Variants in HYLS1 observed in about 807,000 individuals in gnomAD.
HYLS1 encodes HYLS1 centriolar and ciliogenesis associated.
A neutral mutation model predicts 29.4 loss-of-function variants in HYLS1; 25 were observed. The ratio of observed to expected loss-of-function variants is 0.85; its 90% CI spans 0.62 to 1.19. The LOEUF is 1.19. Among genes scored for constraint, HYLS1 ranks in the 50% most tolerant of loss-of-function variants. HYLS1 has a pLI of 0.00. For missense variants in HYLS1, 352 were observed against 365.1 expected (o/e 0.96, Z 0.29); for synonymous variants, 128 against 126.7 (o/e 1.01, Z -0.07).
chr11:125,890,031 AG>A (rs1282250753), intron 1 of HYLS1, among the ~76,000 whole-genome samples: 2 of 152,168 alleles, frequency 1.3e-5, no homozygotes, highest in African/African-American at 2.4e-5. Flanking sequence ...CTCAAACTCC[AG>A]GGTTCAAGCG....
upstream of HYLS1, among the ~76,000 whole-genome samples, chr11:125,885,374 C>G (rs894535296): frequency 1.3e-5 from 2 of 152,020 alleles, no homozygotes; most frequent in African/African-American, 2.4e-5. Flanking sequence ...TCATTTGAAC[C>G]TGGGAGGTGG....
At chr11:125,896,533 GTT>G (rs1179123372) in intron 2 of HYLS1, among the ~76,000 whole-genome samples, 1 of 152,180 alleles carries the variant, frequency 6.6e-6, no homozygotes, top group African/African-American at 2.4e-5. Context: ...GGAAAGAACT[GTT>G]TGTTATTCAG....
chr11:125,884,291 A>G (rs901652230), upstream of HYLS1, among the ~76,000 whole-genome samples: 1 of 152,236 alleles, frequency 6.6e-6, no homozygotes, highest in African/African-American at 2.4e-5. Context: ...GTAAGAAAAT[A>G]TATTAACTAC....
At chr11:125,886,703 G>A (rs950975884), upstream of HYLS1, among the ~76,000 whole-genome samples, 1 of 151,448 alleles carries the variant, frequency 6.6e-6, no homozygotes, top group African/African-American at 2.4e-5. Flanking sequence ...TTGGGAGGCC[G>A]AGGGGGTAGA....
upstream of HYLS1, among the ~76,000 whole-genome samples, chr11:125,885,934 A>G (rs1944297712): frequency 6.6e-6 from 1 of 152,174 alleles, no homozygotes; most frequent in South Asian, 2.1e-4. Flanking sequence ...CATCACCCCC[A>G]GATGGGACCA....
chr11:125,895,646 T>C, intron 2 of HYLS1: 1 of 1,614,240 alleles, frequency 6.2e-7, no homozygotes, highest in Non-Finnish European at 8.5e-7. Context: ...CCCAGGCCAA[T>C]ATACGGATGT....
intron 2 of HYLS1, among the ~76,000 whole-genome samples, chr11:125,892,812 A>C (rs1418589921): frequency 6.6e-6 from 1 of 152,220 alleles, no homozygotes; most frequent in Non-Finnish European, 1.5e-5. Context: ...TCTATCGGGC[A>C]TGTAAATTTT....
rs761712574 is a variant in HYLS1, at chr11:125,894,000, A to G, written c.-26+2528A>G. ...TTAGGACGGTCCATGAGGGGCTTAT[A>G]TGTGCGCATCTTCACTCCTTCTACA... On this transcript the variant is annotated intron_variant, in intron 2 of 2. Transcript: ENST00000425380. 6 of 1,614,000 alleles carry G rather than the reference A, an allele frequency of 3.7e-6. No individual in the cohort carries two copies. Among genetic ancestry groups the G allele is most frequent in the East Asian group, 2.2e-5 (1 of 44,896 alleles).
chr11:125,896,338 G>T (rs1486632503), intron 2 of HYLS1: 33 of 1,495,028 alleles, frequency 2.2e-5, no homozygotes, highest in Non-Finnish European at 3.0e-5. Flanking sequence ...TGTCTGAAAA[G>T]AGAGCAAAGG....
intron 2 of HYLS1, chr11:125,896,343 C>T: frequency 6.8e-7 from 1 of 1,465,564 alleles, no homozygotes; most frequent in Non-Finnish European, 9.3e-7. Context: ...GAAAAGAGAG[C>T]AAAGGGATAC....
At chr11:125,892,083 C>A (rs544677151) in intron 2 of HYLS1, among the ~76,000 whole-genome samples, 12 of 152,248 alleles carry the variant, frequency 7.9e-5, no homozygotes, top group Admixed American at 3.9e-4. Context: ...ATCTCATAAA[C>A]ATGGTAGAAT....
At chr11:125,898,097 TA>T (rs983595842) in intron 2 of HYLS1, among the ~76,000 whole-genome samples, 2 of 151,354 alleles carry the variant, frequency 1.3e-5, no homozygotes, top group African/African-American at 2.4e-5. Flanking sequence ...TTTACGGTAT[TA>T]AAAAAAAATG....
rs3088241 is a variant in HYLS1, at chr11:125,893,851, C to G, written c.-26+2379C>G. On this transcript the variant is annotated intron_variant, in intron 2 of 2. Coordinates refer to ENST00000425380, the MANE Select transcript of HYLS1 (RefSeq NM_001134793.2). ...TCGTTGGTGTCTCCAAATTAGTATT[C>G]TCTTCCTCTAGTGTGTCATTACAGT... The G allele has an allele frequency of 0.5, 804,214 of 1,613,484 alleles. 201,370 individuals are homozygous for G. The highest frequency in any genetic ancestry group is 0.54 in the East Asian group (24,201 of 44,856).
chr11:125,898,827 A>G (rs747954367), intron 2 of HYLS1, among the ~76,000 whole-genome samples: 1 of 152,146 alleles, frequency 6.6e-6, no homozygotes, highest in African/African-American at 2.4e-5. Flanking sequence ...GTCTGAAGCC[A>G]AACTGCTTGA....
upstream of HYLS1, among the ~76,000 whole-genome samples, chr11:125,885,444 C>T (rs1225349238): frequency 6.6e-6 from 1 of 151,500 alleles, no homozygotes; most frequent in Non-Finnish European, 1.5e-5. Context: ...GAGAGAGACT[C>T]TGTCTCAAAA....
intron 2 of HYLS1, chr11:125,895,911 C>G: frequency 6.2e-7 from 1 of 1,612,186 alleles, no homozygotes; most frequent in Non-Finnish European, 8.5e-7. Context: ...CCTTACCTGT[C>G]CAAAGGCACT....
At chr11:125,894,219 G>A in intron 2 of HYLS1, 1 of 1,613,122 alleles carries the variant, frequency 6.2e-7, no homozygotes, top group Non-Finnish European at 8.5e-7. Flanking sequence ...TGAGCCTCCT[G>A]GTCATAGATC....
intron 2 of HYLS1, chr11:125,896,180 A>G: frequency 1.2e-6 from 2 of 1,613,910 alleles, no homozygotes; most frequent in Non-Finnish European, 1.7e-6. Flanking sequence ...AGTCCTCCTT[A>G]TTTTTGGCCT....
rs185238629 is a variant in HYLS1 at position 125,899,959 on chromosome 11, C to G, written c.591C>G (p.Leu197=). 6.2e-7 allele frequency: 1 copy of G among 1,614,202 alleles called. No homozygotes were observed. The highest frequency in any genetic ancestry group is 8.5e-7 in the Non-Finnish European group (1 of 1,180,042). Residue 197 remains leucine, a synonymous_variant, in exon 3 of 3, where the codon CTC becomes CTG. Transcript: ENST00000425380. ...IVASRPKSFI[L]PKLDQLSRNR... The stretch of plus-strand genomic sequence containing the variant: ...CCAGCAGACCCAAGTCCTTTATTCT[C>G]CCAAAGCTGGACCAGTTAAGCCGAA...
Sources: allele counts gnomAD v4.1 joint callset (sites outside exome capture counted in the v4.1 genomes callset), GRCh38; gene constraint gnomAD v4.1.1; transcripts MANE v1.5; gene names NCBI Gene and HGNC (gene_info 2026-07-23, HGNC 2026-07-21).